The following DACH2 variants were observed in gnomAD, a reference collection of about 807,000 sequenced individuals.
The protein encoded by DACH2 is dachshund family transcription factor 2.
In DACH2, 17 loss-of-function variants were observed where a neutral mutation model predicts 35.8. The observed-to-expected ratio is 0.48, with a 90% CI of 0.33 to 0.71. The LOEUF is 0.71. Ranked by LOEUF, DACH2 falls within the 30% of genes least tolerant of loss-of-function variation. The pLI is 0.02. For synonymous variants in DACH2, 195 were observed against 177.3 expected, an observed-to-expected ratio of 1.10 and a Z score of -0.79; for missense variants, 469 against 472.7, an observed-to-expected ratio of 0.99 and a Z score of 0.07.
At chrX:86,152,900 G>A (rs1225904679) in intron 1 of DACH2, among the ~76,000 whole-genome samples, 2 of 111,668 alleles carry the variant, frequency 1.8e-5, no homozygotes, top group African/African-American at 3.2e-5. Flanking sequence ...GGTTTAGAAA[G>A]TAAATGTTGA....
intron 3 of DACH2, among the ~76,000 whole-genome samples, chrX:86,584,900 G>A (rs1299428055): frequency 1.8e-5 from 2 of 110,940 alleles, no homozygotes; most frequent in Non-Finnish European, 3.8e-5. Flanking sequence ...ATGAGAACAT[G>A]CAATATTTGA....
intron 2 of DACH2, among the ~76,000 whole-genome samples, chrX:86,485,660 T>TA (rs2038008822): frequency 9.0e-6 from 1 of 111,594 alleles, no homozygotes; most frequent in Admixed American, 9.5e-5. Flanking sequence ...ATTATAAATT[T>TA]AAAAAATCTT....
At chrX:86,578,881 T>A (rs1473351140) in intron 3 of DACH2, among the ~76,000 whole-genome samples, 3 of 111,763 alleles carry the variant, frequency 2.7e-5, no homozygotes, top group Non-Finnish European at 5.6e-5. Context: ...TAATGTTTGT[T>A]CTAGTTGATC....
intron 1 of DACH2, among the ~76,000 whole-genome samples, chrX:86,158,810 A>G (rs185042586): frequency 0.011 from 1,239 of 111,606 alleles, 24 homozygotes; most frequent in African/African-American, 0.039. Flanking sequence ...TGCCTCATGC[A>G]TTATATCAGT....
At chrX:86,706,524 A>T (rs1384081280) in intron 5 of DACH2, among the ~76,000 whole-genome samples, 1 of 111,126 alleles carries the variant, frequency 9.0e-6, no homozygotes, top group Non-Finnish European at 1.9e-5. Flanking sequence ...AATATTAAAA[A>T]TTTTAATTAA....
chrX:86,810,145 C>T (rs751879106), intron 7 of DACH2, among the ~76,000 whole-genome samples: 4 of 111,674 alleles, frequency 3.6e-5, no homozygotes, highest in Non-Finnish European at 7.5e-5. Flanking sequence ...CTGTCTTCAT[C>T]GTCAATATAA....
At chrX:86,558,231 G>A (rs111372243) in intron 3 of DACH2, among the ~76,000 whole-genome samples, 1 of 47,498 alleles carries the variant, frequency 2.1e-5, no homozygotes, top group Middle Eastern at 0.011. Flanking sequence ...GTTTATATGC[G>A]GGATTACATT....
intron 1 of DACH2, among the ~76,000 whole-genome samples, chrX:86,260,043 A>G (rs749630485): frequency 2.7e-5 from 3 of 111,254 alleles, no homozygotes; most frequent in East Asian, 2.8e-4. Context: ...TGTAGTGGAC[A>G]TAGGTCTGCT....
At chrX:86,198,021 CTT>C (rs2032040507) in intron 1 of DACH2, among the ~76,000 whole-genome samples, 1 of 111,790 alleles carries the variant, frequency 8.9e-6, no homozygotes, top group Non-Finnish European at 1.9e-5. Context: ...ACACAAAACA[CTT>C]CTCAACAAAG....
chrX:86,598,949 G>A (rs192705282), intron 3 of DACH2, among the ~76,000 whole-genome samples: 1 of 108,384 alleles, frequency 9.2e-6, no homozygotes, highest in Non-Finnish European at 1.9e-5. Flanking sequence ...GCTATCCCTC[G>A]CCCCTCCCGC....
chrX:86,435,797 C>A (rs900233671), intron 2 of DACH2, among the ~76,000 whole-genome samples: 10 of 111,554 alleles, frequency 9.0e-5, no homozygotes, highest in African/African-American at 2.9e-4. Context: ...TGAGAATGTG[C>A]ATTCATTTGT....
intron 1 of DACH2, among the ~76,000 whole-genome samples, chrX:86,195,180 T>G (rs565002953): frequency 2.7e-5 from 3 of 112,340 alleles, no homozygotes; most frequent in African/African-American, 9.7e-5. Context: ...AGTGTGTGCA[T>G]GCACTCTGCC....
chrX:86,827,899 TG>T, intron 11 of DACH2: 2 of 785,042 alleles, frequency 2.5e-6, no homozygotes, highest in South Asian at 4.9e-5. Context: ...CTTTAATTAC[TG>T]TTTGTTCATT....
At chrX:86,433,836 G>A (rs913809735) in intron 2 of DACH2, among the ~76,000 whole-genome samples, 5 of 111,709 alleles carry the variant, frequency 4.5e-5, no homozygotes, top group African/African-American at 1.6e-4. Flanking sequence ...GAAGGCCCAA[G>A]CATTGAAGAA....
At chrX:86,821,865 G>A (rs1169503455) in intron 11 of DACH2, among the ~76,000 whole-genome samples, 1 of 111,942 alleles carries the variant, frequency 8.9e-6, no homozygotes, top group Non-Finnish European at 1.9e-5. Context: ...TGCAGTGATA[G>A]CAAATAGTGA....
At chrX:86,486,098 GTCCCA>G (rs1193067771) in intron 2 of DACH2, among the ~76,000 whole-genome samples, 1 of 110,572 alleles carries the variant, frequency 9.0e-6, no homozygotes, top group Admixed American at 9.7e-5. Flanking sequence ...ATTTCCACTG[GTCCCA>G]CCATACCCTC....
intron 7 of DACH2, among the ~76,000 whole-genome samples, chrX:86,802,056 G>A (rs1332604046): frequency 1.8e-5 from 2 of 111,765 alleles, no homozygotes; most frequent in Non-Finnish European, 3.8e-5. Context: ...TTTTTGAAAC[G>A]ATTTTTTGAA....
At chrX:86,727,711 G>T (rs1341715768) in intron 6 of DACH2, among the ~76,000 whole-genome samples, 1 of 111,177 alleles carries the variant, frequency 9.0e-6, no homozygotes, top group Non-Finnish European at 1.9e-5. Context: ...CTCCGGTCAT[G>T]TGATGTGCCT....
intron 3 of DACH2, among the ~76,000 whole-genome samples, chrX:86,556,787 TATATATATAGAGAGAGAGAG>T (rs1393519165): frequency 5.0e-5 from 2 of 40,197 alleles, no homozygotes; most frequent in African/African-American, 2.1e-4. Flanking sequence ...TATATATATA[TATATATATAGAGAGAGAGAG>T]AGAGAGAGAG....
Sources: allele counts gnomAD v4.1 joint callset (sites outside exome capture counted in the v4.1 genomes callset), GRCh38; gene constraint gnomAD v4.1.1; transcripts MANE v1.5; gene names NCBI Gene and HGNC (gene_info 2026-07-23, HGNC 2026-07-21).